PRRG2: variants seen among roughly 807,000 people sequenced by gnomAD.
PRRG2 encodes transmembrane gamma-carboxyglutamic acid protein 2.
In PRRG2, 23 loss-of-function variants were observed where a neutral mutation model predicts 27.1. The observed-to-expected ratio is 0.85, with a 90% confidence interval of 0.61 to 1.20. PRRG2 has a LOEUF of 1.20. Among genes scored for constraint, PRRG2 ranks in the 50% most tolerant of loss-of-function variants. PRRG2 has a pLI of 0.00. For missense variants in PRRG2, 276 were observed against 254.8 expected, an observed-to-expected ratio of 1.08 and a Z score of -0.57; for synonymous variants, 104 against 103.4, an observed-to-expected ratio of 1.01 and a Z score of -0.03.
chr19:49,586,388 T>C, intron 4 of PRRG2, among the ~76,000 whole-genome samples: 1 of 8,090 alleles, frequency 1.2e-4, no homozygotes. Flanking sequence ...AGCCCGGCCA[T>C]TTTTTTTTTT....
At chr19:49,590,169 T>G in intron 6 of PRRG2, 117 bp downstream of exon 6, 2 of 1,279,868 alleles carry the variant, frequency 1.6e-6, no homozygotes, top group Non-Finnish European at 1.1e-6. Flanking sequence ...GGGCGGGGCT[T>G]GGAGTGCGGG....
At chr19:49,588,750 A>G (rs1331756259) in intron 5 of PRRG2, 118 bp downstream of exon 5, 20 of 1,262,200 alleles carry the variant, frequency 1.6e-5, no homozygotes, top group Non-Finnish European at 2.0e-5. Flanking sequence ...AGACCTAAGG[A>G]CACAGTCATT....
chr19:49,584,653 G>A (rs539444185), intron 4 of PRRG2, among the ~76,000 whole-genome samples: 4 of 152,208 alleles, frequency 2.6e-5, no homozygotes, highest in African/African-American at 7.2e-5. Context: ...TTGTACAGAC[G>A]GGGTCTCACT....
Position 49,590,421 on chromosome 19 carries a change from C to A in PRRG2, c.*32C>A, listed in dbSNP as rs1268068219. The A allele has an allele frequency of 1.2e-6, 2 of 1,613,912 alleles. No homozygotes were observed. The highest frequency in any genetic ancestry group is 1.3e-5 in the African/African-American group (1 of 75,048). On this transcript the variant is annotated 3_prime_UTR_variant, in exon 7 of 7. Transcript: ENST00000246794. The stretch of plus-strand genomic sequence containing the variant: ...GCTTTCGAGACCCGGCTCTCCGAAC[C>A]GTGCCCCTGATTCATACCGGATTCC...
intron 5 of PRRG2, among the ~76,000 whole-genome samples, chr19:49,589,285 G>A (rs910140884): frequency 2.0e-5 from 3 of 151,684 alleles, no homozygotes; most frequent in East Asian, 3.9e-4. Context: ...ACTCCACTAC[G>A]CCCAGCTAAT....
At chr19:49,588,454 G>A in intron 4 of PRRG2, 43 bp from the exon 5 acceptor site, 2 of 1,554,290 alleles carry the variant, frequency 1.3e-6, no homozygotes, top group Admixed American at 2.0e-5. Flanking sequence ...GGGGTGGGTG[G>A]CAGTCCCCGA....
chr19:49,583,233 C>CCTCTCTG lies in PRRG2; in HGVS notation c.17_23dup (p.Leu9SerfsTer18). On this transcript the variant is annotated frameshift_variant, in exon 2 of 7. Transcript: ENST00000246794. LOFTEE classifies it high-confidence loss of function. ...TGTCTGGAAAATATGAGGGGCCACCCCTCTCTGCTGCTGCTATATATGGCA... is the reference window on the plus strand; with the variant it reads ...TGTCTGGAAAATATGAGGGGCCACCCCTCTCTGCTCTCTGCTGCTGCTATATATGGCA... 6.2e-7 allele frequency: 1 copy of CCTCTCTG among 1,614,026 alleles called. No homozygotes were observed. The highest frequency in any genetic ancestry group is 8.5e-7 in the Non-Finnish European group (1 of 1,179,978).
At chr19:49,585,280 A>G (rs776104023) in intron 4 of PRRG2, among the ~76,000 whole-genome samples, 43 of 151,810 alleles carry the variant, frequency 2.8e-4, no homozygotes, top group Non-Finnish European at 4.4e-4. Flanking sequence ...CCGATGCCCC[A>G]CCCCCTTGTG....
At chr19:49,583,849 G>A in intron 3 of PRRG2, 64 bp from the exon 4 acceptor site, 1 of 1,604,432 alleles carries the variant, frequency 6.2e-7, no homozygotes, top group Non-Finnish European at 8.5e-7. Context: ...GCTAGTTTGG[G>A]GGTGTGAACC....
Position 49,590,379 on chromosome 19 carries a change from G to T in PRRG2, c.599G>T (p.Arg200Met). ...APPPPYTSLR[R>M]PH Reference sequence around the variant, plus strand: ...TGCCTTTCCTCTTGCAGCCTCAGGAGGCCTCACTGAAGAGCTGCTTTCGAG... The same window carrying T: ...TGCCTTTCCTCTTGCAGCCTCAGGATGCCTCACTGAAGAGCTGCTTTCGAG... The change falls in exon 7 of 7, where the codon AGG (arginine) becomes ATG (methionine). Residue 200 changes from arginine to methionine, a missense_variant. Transcript: ENST00000246794. 2 of 1,614,130 alleles carry T rather than the reference G, an allele frequency of 1.2e-6. No individual in the cohort carries two copies. Among genetic ancestry groups the T allele is most frequent in the Non-Finnish European group, 1.7e-6 (2 of 1,180,010 alleles).
Position 49,583,323 on chromosome 19 carries a change from T to A in PRRG2, c.85+19T>A. ...GACCAAGGTGAGTGTTTGGGGGAAG[T>A]GGCATCCAGACACTTGGCGTTGGCC... is the stretch of plus-strand genomic sequence containing the variant. On this transcript the variant is annotated intron_variant, in intron 2 of 6. Coordinates refer to ENST00000246794, the MANE Select transcript of PRRG2 (RefSeq NM_000951.3). The A allele has an allele frequency of 3.1e-6, 5 of 1,611,274 alleles. No homozygotes were observed. The highest frequency in any genetic ancestry group is 4.2e-6 in the Non-Finnish European group (5 of 1,177,576).
At chr19:49,583,158 A>G (rs956460630) in intron 1 of PRRG2, 49 bp from the exon 2 acceptor site, 118 of 1,510,096 alleles carry the variant, frequency 7.8e-5, no homozygotes, top group Non-Finnish European at 9.2e-5. Flanking sequence ...GCACTGCCTC[A>G]TTACCCAGGG....
At position 49,583,967 on chromosome 19, in the gene PRRG2, G is replaced by A. The variant is rs201468707; in HGVS notation, c.301+15G>A. On this transcript the variant is annotated intron_variant, in intron 4 of 6. Coordinates refer to ENST00000246794, the MANE Select transcript of PRRG2 (RefSeq NM_000951.3). ...TGGCAAAGGAGGTGAGTGAGGGGCT[G>A]AAGCCATCTTGTTCTGTGCAGCTAA... The A allele has an allele frequency of 4.2e-4, 672 of 1,611,496 alleles. 1 individual carries two copies. The highest frequency in any genetic ancestry group is 4.7e-5 in the Non-Finnish European group (55 of 1,178,420).
chr19:49,586,255 T>G (rs182533265), intron 4 of PRRG2, among the ~76,000 whole-genome samples: 8 of 151,612 alleles, frequency 5.3e-5, no homozygotes, highest in Admixed American at 1.3e-4. Context: ...ATACTTAAAA[T>G]TTTTTTTGTA....
chr19:49,590,184 G>T (rs1315817889), intron 6 of PRRG2, 132 bp downstream of exon 6: 2 of 1,399,630 alleles, frequency 1.4e-6, no homozygotes, highest in Admixed American at 4.8e-5. Context: ...TGCGGGGGCG[G>T]GGCCCCATGC....
chr19:49,588,019 T>C (rs2080685164), intron 4 of PRRG2, among the ~76,000 whole-genome samples: 3 of 152,138 alleles, frequency 2.0e-5, no homozygotes, highest in Non-Finnish European at 4.4e-5. Flanking sequence ...TGGAGAGCAA[T>C]GGCTCAATCT....
rs546007499 is a variant in PRRG2, at chr19:49,590,087, C to T, written c.590+35C>T. 153 of 1,461,266 alleles carry T rather than the reference C, an allele frequency of 1.0e-4. 2 individuals carry two copies. The South Asian group carries it at 2.0e-3, about 19-fold the overall frequency. The allele number at this position is 1,461,266 out of a possible 1,614,324, so 90.5% of individuals were successfully genotyped here. A position where few individuals can be genotyped will look rare whatever the true frequency, so the allele number is the denominator to read the frequency against. On this transcript the variant is annotated intron_variant, in intron 6 of 6. Coordinates refer to ENST00000246794, the MANE Select transcript of PRRG2 (RefSeq NM_000951.3). ...GTGGCTTCTGCCCGGGGGCGGGGCG[C>T]AGAGGGGTGGGCACGTTGGAGGAGG...
At chr19:49,588,751 C>T (rs1306862128) in intron 5 of PRRG2, 119 bp downstream of exon 5, 3 of 1,257,262 alleles carry the variant, frequency 2.4e-6, no homozygotes, top group African/African-American at 1.5e-5. Context: ...GACCTAAGGA[C>T]ACAGTCATTT....
chr19:49,590,282 G>C (rs1012738608), intron 6 of PRRG2, 89 bp from the exon 7 acceptor site: 10 of 1,590,940 alleles, frequency 6.3e-6, no homozygotes, highest in Non-Finnish European at 7.8e-6. Flanking sequence ...GATTGGCTGA[G>C]ACGCCAAGGG....
Sources: gnomAD v4.1 joint callset for allele counts (sites outside exome capture counted in the v4.1 genomes callset) on GRCh38, gnomAD v4.1.1 for gene constraint, MANE v1.5 for transcripts, NCBI Gene and HGNC (gene_info 2026-07-23, HGNC 2026-07-21) for gene names.